Variants in ZNF599 observed in about 807,000 individuals in gnomAD.
ZNF599 encodes zinc finger protein 599.
In ZNF599, 10 loss-of-function variants were observed where a neutral mutation model predicts 11.7. That is an observed-to-expected ratio of 0.86 (90% CI 0.53 to 1.45). The LOEUF (loss-of-function observed/expected upper bound fraction) is 1.45. Ranked by LOEUF, ZNF599 falls within the 40% of genes most tolerant of loss-of-function variation. The pLI, the probability that ZNF599 is intolerant of heterozygous loss-of-function variation, is 0.00. For missense variants in ZNF599, 688 were observed against 713.6 expected, an observed-to-expected ratio of 0.96 and a Z score of 0.41; for synonymous variants, 232 against 253.2, an observed-to-expected ratio of 0.92 and a Z score of 0.79.
At chr19:34,764,708 A>G (rs915906311) in intron 3 of ZNF599, 1 of 152,240 alleles carries the variant, frequency 6.6e-6, no homozygotes, top group Non-Finnish European at 1.5e-5. Context: ...GTATGGTGAT[A>G]TAGAGTATAA....
At chr19:34,801,733 G>C in the ZNF599 span, among the ~76,000 whole-genome samples, 1 of 152,182 alleles carries the variant, frequency 6.6e-6, no homozygotes, top group South Asian at 2.1e-4. Flanking sequence ...TAAGTGGCCT[G>C]GTGCTGGAGA....
At chr19:34,770,457 G>C (rs1393539398) in intron 1 of ZNF599, among the ~76,000 whole-genome samples, 1 of 152,242 alleles carries the variant, frequency 6.6e-6, no homozygotes, top group Non-Finnish European at 1.5e-5. Flanking sequence ...GAAGAGCAGA[G>C]CCTTCCTTTG....
the ZNF599 span, among the ~76,000 whole-genome samples, chr19:34,796,609 C>T: frequency 1.3e-5 from 2 of 152,154 alleles, no homozygotes; most frequent in Non-Finnish European, 2.9e-5. Flanking sequence ...CCATGCCCAG[C>T]CTTTCCAAGT....
chr19:34,782,597 G>C, the ZNF599 span, among the ~76,000 whole-genome samples: 1 of 152,216 alleles, frequency 6.6e-6, no homozygotes, highest in African/African-American at 2.4e-5. Context: ...GAAGTGCACA[G>C]AGGTTCAGCA....
intron 2 of ZNF599, among the ~76,000 whole-genome samples, chr19:34,768,067 C>A (rs937181455): frequency 1.2e-4 from 19 of 152,202 alleles, no homozygotes; most frequent in Non-Finnish European, 2.9e-5. Flanking sequence ...GGCACCAGGA[C>A]CCAGAAGCAT....
the ZNF599 span, among the ~76,000 whole-genome samples, chr19:34,783,941 C>T: frequency 2.6e-5 from 4 of 152,204 alleles, no homozygotes; most frequent in Non-Finnish European, 5.9e-5. Flanking sequence ...ATAGGCTTTC[C>T]ACAATTCCCT....
At chr19:34,778,071 A>T (rs923899395), upstream of ZNF599, among the ~76,000 whole-genome samples, 10 of 152,144 alleles carry the variant, frequency 6.6e-5, no homozygotes, top group Non-Finnish European at 1.3e-4. Context: ...TCACAGGTAT[A>T]CACATATGTT....
At chr19:34,780,810 G>GAA in the ZNF599 span, among the ~76,000 whole-genome samples, 1 of 150,748 alleles carries the variant, frequency 6.6e-6, no homozygotes, top group African/African-American at 2.5e-5. Flanking sequence ...AGGAAAGAAA[G>GAA]AGAAAGAAAG....
At position 34,769,545 on chromosome 19, in the gene ZNF599, G is replaced by A. The variant is rs757736464; in HGVS notation, c.29C>T (p.Ser10Leu). 1.9e-6 allele frequency: 3 copies of A among 1,613,656 alleles called. 1 individual carries two copies. The South Asian group carries it at 3.3e-5, about 18-fold the overall frequency. ...GAAGGTCACAACCACGTCTTCAAAT[G>A]ATACTAATGCCTGGGAAGTCAAACA... is the stretch of plus-strand genomic sequence containing the variant. MAAPALALV[S>L]FEDVVVTFTG... Residue 10 changes from serine to leucine, a missense_variant, in exon 2 of 4, where the codon TCA becomes TTA. Ser to Leu is a moderately radical substitution (Grantham distance 145). Transcript: ENST00000329285.
chr19:34,761,516 A>G (rs1437756563), intron 3 of ZNF599, among the ~76,000 whole-genome samples: 1 of 152,224 alleles, frequency 6.6e-6, no homozygotes, highest in African/African-American at 2.4e-5. Context: ...CAGGGGCCTT[A>G]CCCTATGAGG....
the ZNF599 span, among the ~76,000 whole-genome samples, chr19:34,801,571 C>T: frequency 6.6e-6 from 1 of 152,262 alleles, no homozygotes; most frequent in African/African-American, 2.4e-5. Flanking sequence ...ATGTGATACA[C>T]TCATAAAGCC....
At chr19:34,778,095 T>C (rs948087938), upstream of ZNF599, among the ~76,000 whole-genome samples, 1 of 152,064 alleles carries the variant, frequency 6.6e-6, no homozygotes, top group African/African-American at 2.4e-5. Flanking sequence ...ACCAACCAAG[T>C]TGTATACAAT....
the ZNF599 span, among the ~76,000 whole-genome samples, chr19:34,783,304 A>G: frequency 9.1e-4 from 139 of 152,356 alleles, no homozygotes; most frequent in African/African-American, 3.2e-3. Flanking sequence ...CAAAGAGGGA[A>G]GCAGGGGCAG....
the ZNF599 span, among the ~76,000 whole-genome samples, chr19:34,795,979 G>A: frequency 2.6e-5 from 4 of 152,040 alleles, no homozygotes; most frequent in Non-Finnish European, 5.9e-5. Flanking sequence ...GTGCCACCAC[G>A]CCCAGCTAAT....
At position 34,759,778 on chromosome 19, in the gene ZNF599, G is replaced by C. The variant is rs146331204; in HGVS notation, c.1023C>G (p.Cys341Trp). ...GCGTGAAGGCCTTTCCACATTCACC[G>C]CACTCATAGAGTTTCTTTCCAGTAT... is the stretch of plus-strand genomic sequence containing the variant. ...RIHTGKKLYECGECGKAFTHR... is the reference protein window; with the variant it reads ...RIHTGKKLYEWGECGKAFTHR... The change falls in exon 4 of 4, where the codon TGC (cysteine) becomes TGG (tryptophan). Residue 341 changes from cysteine to tryptophan, a missense_variant. Coordinates refer to ENST00000329285, the MANE Select transcript of ZNF599 (RefSeq NM_001007248.3). 6.2e-7 allele frequency: 1 copy of C among 1,614,050 alleles called. No homozygotes were observed. The highest frequency in any genetic ancestry group is 8.5e-7 in the Non-Finnish European group (1 of 1,179,998).
At chr19:34,769,274 AG>A (rs2145461915) in intron 2 of ZNF599, among the ~76,000 whole-genome samples, 154 bp downstream of exon 2, 1 of 152,330 alleles carries the variant, frequency 6.6e-6, no homozygotes, top group Admixed American at 6.5e-5. Context: ...ATTGAGACAC[AG>A]GGAAACCCAG....
the ZNF599 span, among the ~76,000 whole-genome samples, chr19:34,782,151 C>T: frequency 6.6e-6 from 1 of 152,202 alleles, no homozygotes; most frequent in African/African-American, 2.4e-5. Context: ...ATGGTGTCTG[C>T]TCTGTTCAGG....
At chr19:34,785,151 C>T in the ZNF599 span, among the ~76,000 whole-genome samples, 38 of 152,092 alleles carry the variant, frequency 2.5e-4, no homozygotes, top group African/African-American at 8.7e-4. Flanking sequence ...ATTGGTGGCA[C>T]ATCTGTCCTT....
rs2069088286 is a variant in ZNF599 at position 34,758,889 on chromosome 19, T to C, written c.*145A>G. The stretch of plus-strand genomic sequence containing the variant: ...AAAAGATTTCACAGGGACAATTCTG[T>C]TTCTAGTTAGTATAAATTATCAGAT... On this transcript the variant is annotated 3_prime_UTR_variant, in exon 4 of 4. Coordinates refer to ENST00000329285, the MANE Select transcript of ZNF599 (RefSeq NM_001007248.3). The C allele has an allele frequency of 1.3e-6, 1 of 753,152 alleles. No homozygotes were observed. Among genetic ancestry groups the C allele is most frequent in the Non-Finnish European group, 2.1e-6 (1 of 471,038 alleles). 46.7% of individuals were successfully genotyped at this position (753,152 alleles called of 1,614,324 possible). A position where few individuals can be genotyped will look rare whatever the true frequency, so the allele number is the denominator to read the frequency against.
Sources: gnomAD v4.1 joint callset for allele counts (sites outside exome capture counted in the v4.1 genomes callset) on GRCh38, gnomAD v4.1.1 for gene constraint, MANE v1.5 for transcripts, NCBI Gene and HGNC (gene_info 2026-07-23, HGNC 2026-07-21) for gene names.